CAPN8: variants seen among roughly 807,000 people sequenced by gnomAD.
CAPN8 encodes calpain-8.
A neutral mutation model predicts 80.9 loss-of-function variants in CAPN8; 87 were observed. The observed-to-expected ratio is 1.07, with a 90% CI of 0.90 to 1.28. The LOEUF (loss-of-function observed/expected upper bound fraction) is 1.28. Ranked by LOEUF, CAPN8 falls within the 50% of genes most tolerant of loss-of-function variation. The probability of loss-of-function intolerance (pLI) is 0.00; values close to 1 mark genes in which losing one functional copy is unlikely to be tolerated. For synonymous variants in CAPN8, 299 were observed against 273.8 expected (o/e 1.09, Z -0.91); for missense variants, 757 against 702.0 (o/e 1.08, Z -0.89).
At chr1:223,617,330 T>TTG (rs1657225303) in intron 9 of CAPN8, 1 of 146,890 alleles carries the variant, frequency 6.8e-6, no homozygotes, top group African/African-American at 2.5e-5. Flanking sequence ...TGTTGCTGTG[T>TTG]TTTGTTTGTT....
chr1:223,632,942 T>G (rs1452183231), intron 2 of CAPN8, among the ~76,000 whole-genome samples: 3 of 152,170 alleles, frequency 2.0e-5, no homozygotes, highest in Admixed American at 6.5e-5. Flanking sequence ...TCCTCCTTCT[T>G]CCCATCTGGA....
intron 6 of CAPN8, among the ~76,000 whole-genome samples, chr1:223,623,847 A>G (rs1359826429): frequency 6.6e-6 from 1 of 152,072 alleles, no homozygotes; most frequent in Admixed American, 6.6e-5. Flanking sequence ...TACAAAAAAA[A>G]TAATTAGCTG....
chr1:223,631,182 C>T (rs1294218436), intron 2 of CAPN8, among the ~76,000 whole-genome samples: 1 of 151,246 alleles, frequency 6.6e-6, no homozygotes, highest in Non-Finnish European at 1.5e-5. Context: ...TGCTTGCAAA[C>T]TTCTTGATGA....
At chr1:223,626,081 G>A (rs1240299465) in intron 5 of CAPN8, among the ~76,000 whole-genome samples, 193 bp from the exon 6 acceptor site, 4 of 152,072 alleles carry the variant, frequency 2.6e-5, no homozygotes, top group Non-Finnish European at 5.9e-5. Context: ...CTGTAGTTCC[G>A]GGCCAGTGCA....
At chr1:223,627,489 G>C (rs754127283) in intron 4 of CAPN8, among the ~76,000 whole-genome samples, 5 of 152,236 alleles carry the variant, frequency 3.3e-5, no homozygotes, top group African/African-American at 7.2e-5. Context: ...TCAAGGCTGA[G>C]AGGCATCTGC....
intron 7 of CAPN8, among the ~76,000 whole-genome samples, chr1:223,622,110 C>T (rs1410129428): frequency 6.6e-6 from 1 of 152,184 alleles, no homozygotes; most frequent in Admixed American, 6.5e-5. Context: ...CCAGCTGAGA[C>T]TGGCTAATTC....
intron 7 of CAPN8, among the ~76,000 whole-genome samples, chr1:223,621,183 G>T (rs1657379216): frequency 1.3e-5 from 2 of 151,358 alleles, no homozygotes; most frequent in African/African-American, 4.9e-5. Flanking sequence ...TATAAACAAA[G>T]ATTAGGGCAG....
chr1:223,555,950 T>C (rs1191487186), intron 13 of CAPN8, among the ~76,000 whole-genome samples: 2 of 152,258 alleles, frequency 1.3e-5, no homozygotes, highest in Non-Finnish European at 2.9e-5. Context: ...AGGAACGTAC[T>C]ATAGTGGAAT....
At chr1:223,544,024 C>T (rs1001755026) in intron 19 of CAPN8, 43 bp downstream of exon 19, 5 of 715,236 alleles carry the variant, frequency 7.0e-6, no homozygotes, top group African/African-American at 5.2e-5. Flanking sequence ...CCACCTTGCA[C>T]CTTGGGATTA....
chr1:223,662,613 T>C (rs1658676955), intron 1 of CAPN8, among the ~76,000 whole-genome samples: 1 of 152,304 alleles, frequency 6.6e-6, no homozygotes, highest in Non-Finnish European at 1.5e-5. Context: ...AATGGGAATG[T>C]ACTTAATGCC....
At chr1:223,627,451 C>A (rs950929997) in intron 4 of CAPN8, among the ~76,000 whole-genome samples, 15 of 152,162 alleles carry the variant, frequency 9.9e-5, no homozygotes, top group Non-Finnish European at 1.6e-4. Flanking sequence ...GGGCTGGGGG[C>A]ACAGATGGGG....
intron 9 of CAPN8, chr1:223,617,863 T>G: frequency 5.5e-6 from 1 of 183,072 alleles, no homozygotes; most frequent in East Asian, 1.4e-4. Context: ...CTTCCCAGAG[T>G]CTAAATCAAG....
At chr1:223,648,463 G>A (rs1463435213) in intron 2 of CAPN8, among the ~76,000 whole-genome samples, 1 of 152,208 alleles carries the variant, frequency 6.6e-6, no homozygotes, top group Non-Finnish European at 1.5e-5. Context: ...GTCCTTGAAG[G>A]ATGCTACAGA....
At chr1:223,628,579 C>A in intron 3 of CAPN8, 83 bp downstream of exon 3, 1 of 1,104,300 alleles carries the variant, frequency 9.1e-7, no homozygotes, top group Admixed American at 2.2e-5. Context: ...TGCCCCAAAC[C>A]CAGAATTTCT....
chr1:223,621,875 T>A (rs915324504), intron 7 of CAPN8, among the ~76,000 whole-genome samples: 3 of 151,898 alleles, frequency 2.0e-5, no homozygotes, highest in Non-Finnish European at 4.4e-5. Context: ...TTTTTTTTTT[T>A]AAATGGAGTC....
In CAPN8 at chr1:223,544,776, C is replaced by T. The variant is rs1224181192; in HGVS notation, c.1908G>A (p.Lys636=). The change falls in exon 18 of 21, where the codon AAG becomes AAA. Residue 636 remains lysine, a synonymous_variant. Coordinates refer to ENST00000366872, the MANE Select transcript of CAPN8 (RefSeq NM_001143962.2). The part of the protein sequence containing the change: ...DAHEMRTALR[K]AGFTLNSQVQ... ...GTCTACAGGATGTGTCCTCACCTGC[C>T]TTCCTGAGGGCTGTCCTCATCTCGT... 2 of 1,551,606 alleles carry T rather than the reference C, an allele frequency of 1.3e-6. No individual in the cohort carries two copies. Among genetic ancestry groups the T allele is most frequent in the African/African-American group, 1.4e-5 (1 of 73,050 alleles).
chr1:223,643,215 G>A (rs938796800), intron 2 of CAPN8, among the ~76,000 whole-genome samples: 5 of 152,212 alleles, frequency 3.3e-5, no homozygotes, highest in African/African-American at 9.6e-5. Flanking sequence ...ATACAAAAAT[G>A]GCACATCACC....
chr1:223,551,953 C>T (rs1042236387), intron 14 of CAPN8, among the ~76,000 whole-genome samples: 2 of 152,188 alleles, frequency 1.3e-5, no homozygotes, highest in Non-Finnish European at 2.9e-5. Context: ...ATAGCATATT[C>T]TGTGTGCATC....
chr1:223,657,139 G>GT (rs1245160444), intron 1 of CAPN8, among the ~76,000 whole-genome samples: 1 of 152,050 alleles, frequency 6.6e-6, no homozygotes, highest in Non-Finnish European at 1.5e-5. Flanking sequence ...TGGACCTTTA[G>GT]TTTTTTGTTT....
Sources: allele counts gnomAD v4.1 joint callset (sites outside exome capture counted in the v4.1 genomes callset), GRCh38; gene constraint gnomAD v4.1.1; transcripts MANE v1.5; gene names NCBI Gene and HGNC (gene_info 2026-07-23, HGNC 2026-07-21).